Variants in PTPRT observed in about 807,000 individuals in gnomAD.
PTPRT encodes the protein receptor-type tyrosine-protein phosphatase T.
In PTPRT, 56 loss-of-function variants were observed where a neutral mutation model predicts 176.8. The observed-to-expected ratio is 0.32, with a 90% confidence interval of 0.26 to 0.40. The LOEUF (loss-of-function observed/expected upper bound fraction) is 0.40. PTPRT is among the 10% of genes least tolerant of loss of function. PTPRT has a pLI of 1.00. For synonymous variants in PTPRT, 783 were observed against 739.0 expected (o/e 1.06, Z -0.96); for missense variants, 1,540 against 1,908.2 (o/e 0.81, Z 3.60).
chr20:42,786,125 C>A (rs2077286481), intron 3 of PTPRT, among the ~76,000 whole-genome samples: 1 of 152,148 alleles, frequency 6.6e-6, no homozygotes, highest in South Asian at 2.1e-4. Flanking sequence ...TGCCTGCTTC[C>A]CTTTCTGCCA....
chr20:42,991,968 A>C (rs961831829), intron 1 of PTPRT, among the ~76,000 whole-genome samples: 1 of 152,204 alleles, frequency 6.6e-6, no homozygotes, highest in African/African-American at 2.4e-5. Context: ...TCATTCTATT[A>C]AATATTTTTT....
intron 1 of PTPRT, among the ~76,000 whole-genome samples, chr20:43,140,035 C>T (rs1282074745): frequency 6.6e-6 from 1 of 152,200 alleles, no homozygotes; most frequent in Non-Finnish European, 1.5e-5. Flanking sequence ...TTTCTGACCA[C>T]AGGCCACCCA....
At chr20:42,445,697 C>G (rs1424015861) in intron 9 of PTPRT, among the ~76,000 whole-genome samples, 3 of 152,148 alleles carry the variant, frequency 2.0e-5, no homozygotes, top group African/African-American at 7.2e-5. Flanking sequence ...AATTATAGCC[C>G]AAGTCACAGC....
Position 42,457,742 on chromosome 20 carries a change from C to T in PTPRT, c.1451-9413G>A, listed in dbSNP as rs949986634. Reference sequence around the variant, plus strand: ...ATAATTAGGCAGCAGGAAGATTCTCCGTGGCAAGAGGGCTTTTTAGGTGTT... The same window carrying T: ...ATAATTAGGCAGCAGGAAGATTCTCTGTGGCAAGAGGGCTTTTTAGGTGTT... On this transcript the variant is annotated intron_variant, in intron 8 of 30. Coordinates refer to ENST00000373187, the MANE Select transcript of PTPRT (RefSeq NM_007050.6). Among the ~76,000 whole-genome samples, 5 of 152,132 alleles carry T rather than the reference C, an allele frequency of 3.3e-5. No homozygotes were observed. The East Asian group carries it at 5.8e-4, about 18-fold the overall frequency.
intron 15 of PTPRT, among the ~76,000 whole-genome samples, chr20:42,219,696 AAAG>A (rs1275624370): frequency 1.3e-5 from 2 of 152,222 alleles, no homozygotes; most frequent in African/African-American, 4.8e-5. Context: ...AGTGTAGGAA[AAAG>A]AAGACCAGAG....
At chr20:42,213,576 C>G (rs57258219) in intron 15 of PTPRT, among the ~76,000 whole-genome samples, 1 of 152,132 alleles carries the variant, frequency 6.6e-6, no homozygotes, top group Admixed American at 6.5e-5. Flanking sequence ...TCTTTGCAGA[C>G]GTAACGAAGT....
intron 1 of PTPRT, among the ~76,000 whole-genome samples, chr20:43,089,913 A>G (rs2011754676): frequency 6.6e-6 from 1 of 152,180 alleles, no homozygotes; most frequent in African/African-American, 2.4e-5. Context: ...GGGGATTATC[A>G]CCCCAAAATA....
chr20:42,468,238 G>C (rs2071132836), intron 8 of PTPRT, among the ~76,000 whole-genome samples: 1 of 152,160 alleles, frequency 6.6e-6, no homozygotes, highest in African/African-American at 2.4e-5. Flanking sequence ...CAGCCATTCA[G>C]CCAACTCAAT....
intron 1 of PTPRT, among the ~76,000 whole-genome samples, chr20:42,916,300 C>T (rs367979539): frequency 3.3e-5 from 5 of 152,144 alleles, no homozygotes; most frequent in Admixed American, 2.0e-4. Flanking sequence ...GAACTCATCA[C>T]TTTTTATGGC....
At chr20:42,195,489 C>G (rs1991177735) in intron 16 of PTPRT, among the ~76,000 whole-genome samples, 1 of 146,818 alleles carries the variant, frequency 6.8e-6, no homozygotes, top group South Asian at 2.2e-4. Flanking sequence ...TTTTCCCCCT[C>G]AAATCTCATC....
Position 43,189,685 on chromosome 20 carries a change from G to A in PTPRT, c.49C>T (p.Leu17=). 3 of 1,322,090 alleles carry A rather than the reference G, an allele frequency of 2.3e-6. No homozygotes were observed. Among genetic ancestry groups the A allele is most frequent in the South Asian group, 2.0e-5 (1 of 50,276 alleles). The allele number at this position is 1,322,090 out of a possible 1,614,324, so 81.9% of individuals were successfully genotyped here. A position where few individuals can be genotyped will look rare whatever the true frequency, so the allele number is the denominator to read the frequency against. The change falls in exon 1 of 31, where the codon CTG becomes TTG. Residue 17 remains leucine (L), a synonymous_variant. Coordinates refer to ENST00000373187, the MANE Select transcript of PTPRT (RefSeq NM_007050.6). This position sits in a 1 kb window ranked among gnomAD's most constrained non-coding sequence, Gnocchi z 5.0. ...LALSLLLRLQ[L]PPLPGARAQS... ...GCCCGGGCGCCGGGCAGTGGCGGCAGCTGCAGCCTCAGGAGCAGGCTGAGG... is the reference window on the plus strand; with the variant it reads ...GCCCGGGCGCCGGGCAGTGGCGGCAACTGCAGCCTCAGGAGCAGGCTGAGG...
At position 42,760,381 on chromosome 20, in the gene PTPRT, T is replaced by C. The variant is rs973419875; in HGVS notation, c.685-3745A>G. ...TCTGGCAGTCTGTTTCTAAATCTGC[T>C]TTTTTTTTTTTTTTTTTTTTTTTTT... On this transcript the variant is annotated intron_variant, in intron 5 of 30. Coordinates refer to ENST00000373187, the MANE Select transcript of PTPRT (RefSeq NM_007050.6). Among the ~76,000 whole-genome samples, 14 of 69,412 alleles carry C rather than the reference T, an allele frequency of 2.0e-4. No individual in the cohort carries two copies. The East Asian group carries it at 3.4e-3, about 17-fold the overall frequency. The allele number at this position is 69,412 out of a possible 152,430, so 45.5% of individuals were successfully genotyped here.
intron 11 of PTPRT, among the ~76,000 whole-genome samples, chr20:42,350,026 T>C (rs1174330426): frequency 1.3e-5 from 2 of 152,148 alleles, no homozygotes; most frequent in Non-Finnish European, 2.9e-5. Context: ...ATTTGTGATA[T>C]CTGAGCAGGT....
intron 8 of PTPRT, 66 bp from the exon 9 acceptor site, chr20:42,448,395 T>C: frequency 7.9e-7 from 1 of 1,264,522 alleles, no homozygotes; most frequent in Non-Finnish European, 1.2e-6. Context: ...CCCGCTGACC[T>C]AGAACAGGGG....
chr20:42,464,622 T>C (rs1410891159), intron 8 of PTPRT, among the ~76,000 whole-genome samples: 1 of 152,208 alleles, frequency 6.6e-6, no homozygotes, highest in East Asian at 1.9e-4. Context: ...TTGCCCTTTA[T>C]AATATCTCAA....
Position 42,676,632 on chromosome 20 carries a change from C to T in PTPRT, c.1153+1234G>A, listed in dbSNP as rs917766038. ...AGAAAATCTAAGTGTAATTCCTGAC[C>T]GTACCACTGGCCATTCTATGACTTT... On this transcript the variant is annotated intron_variant, in intron 7 of 30. Coordinates refer to ENST00000373187, the MANE Select transcript of PTPRT (RefSeq NM_007050.6). 7.9e-5 allele frequency among the ~76,000 whole-genome samples: 12 copies of T among 151,906 alleles called. No homozygotes were observed. In the East Asian group the frequency reaches 1.2e-3, roughly 15 times the overall value.
At chr20:42,346,279 C>T (rs2058193731) in intron 11 of PTPRT, among the ~76,000 whole-genome samples, 1 of 152,104 alleles carries the variant, frequency 6.6e-6, no homozygotes, top group Non-Finnish European at 1.5e-5. Context: ...GGGGCTCTGC[C>T]CCCAGCCTCA....
chr20:42,339,237 G>A lies in PTPRT; in HGVS notation c.1865+11391C>T, dbSNP rs529640232. 4.6e-5 allele frequency among the ~76,000 whole-genome samples: 7 copies of A among 152,260 alleles called. No homozygotes were observed. The East Asian group carries it at 5.8e-4, about 13-fold the overall frequency. ...CCCCAACATCCGCATAGAAGTGACC[G>A]TATTCAGATATGCTGTCAGCATGCA... is the stretch of plus-strand genomic sequence containing the variant. On this transcript the variant is annotated intron_variant, in intron 11 of 30. Transcript: ENST00000373187.
At chr20:42,640,788 T>C (rs929826240) in intron 7 of PTPRT, among the ~76,000 whole-genome samples, 8 of 152,170 alleles carry the variant, frequency 5.3e-5, no homozygotes, top group African/African-American at 1.9e-4. Context: ...TCAGCTTGCC[T>C]GGGCTGCCTC....
Sources: gnomAD v4.1 joint callset for allele counts (sites outside exome capture counted in the v4.1 genomes callset) on GRCh38, gnomAD v4.1.1 for gene constraint, Gnocchi (gnomAD v3.1) non-coding constraint, MANE v1.5 for transcripts, NCBI Gene and HGNC (gene_info 2026-07-23, HGNC 2026-07-21) for gene names.